The following FIG4 variants were observed in gnomAD, a reference collection of about 807,000 sequenced individuals.
FIG4 encodes polyphosphoinositide phosphatase.
FIG4 carries 112 observed loss-of-function variants against 118.6 expected under a neutral mutation model. The ratio of observed to expected loss-of-function variants is 0.94; its 90% CI spans 0.81 to 1.11. The LOEUF (loss-of-function observed/expected upper bound fraction) is 1.11, where lower values mean the gene tolerates loss of function less well. FIG4 is among the 50% of genes least tolerant of loss of function. The probability of loss-of-function intolerance (pLI) is 0.00; values close to 1 mark genes in which losing one functional copy is unlikely to be tolerated. For synonymous variants in FIG4, 369 were observed against 381.2 expected (o/e 0.97, Z 0.37); for missense variants, 969 against 1,111.7 (o/e 0.87, Z 1.83).
chr6:109,796,267 C>G (rs1325206782), intron 21 of FIG4, among the ~76,000 whole-genome samples: 1 of 152,184 alleles, frequency 6.6e-6, no homozygotes, highest in Non-Finnish European at 1.5e-5. Flanking sequence ...CAGAGGAAAC[C>G]TAGTCTGTGG....
chr6:109,735,120 A>G, intron 5 of FIG4, 30 bp from the exon 6 acceptor site: 1 of 1,601,634 alleles, frequency 6.2e-7, no homozygotes, highest in Non-Finnish European at 8.6e-7. Context: ...TGCTTTTGTA[A>G]TTCTTATTAA....
intron 8 of FIG4, among the ~76,000 whole-genome samples, chr6:109,742,616 T>C (rs1208807078): frequency 6.6e-6 from 1 of 152,172 alleles, no homozygotes; most frequent in Non-Finnish European, 1.5e-5. Flanking sequence ...AGACATGTTA[T>C]TACTGCCTCT....
intron 18 of FIG4, among the ~76,000 whole-genome samples, chr6:109,789,224 T>C (rs1312843208): frequency 2.0e-5 from 3 of 152,242 alleles, no homozygotes; most frequent in African/African-American, 4.8e-5. Flanking sequence ...GTATACATCT[T>C]AGCAGAAGTT....
intron 10 of FIG4, among the ~76,000 whole-genome samples, chr6:109,749,014 G>A (rs958313602): frequency 3.3e-5 from 5 of 150,368 alleles, no homozygotes; most frequent in African/African-American, 4.9e-5. Context: ...ACAGTTCCTA[G>A]GAGAGGACTG....
rs1252224103 is a variant in FIG4, at chr6:109,738,367, G to A, written c.689G>A (p.Trp230Ter). 8 of 1,609,850 alleles carry A rather than the reference G, an allele frequency of 5.0e-6. No individual in the cohort carries two copies. Among genetic ancestry groups the A allele is most frequent in the Non-Finnish European group, 6.8e-6 (8 of 1,176,498 alleles). ...AGTGAGCCTTATATGAAATATGTATGGAATGGTGAACTTCTGGATATAATT... is the reference window on the plus strand; with the variant it reads ...AGTGAGCCTTATATGAAATATGTATAGAATGGTGAACTTCTGGATATAATT... ...ICSEPYMKYV[W>*]NGELLDIIKS... Residue 230 changes from tryptophan to a stop codon, truncating the protein, a stop_gained, in exon 7 of 23, where the codon TGG (tryptophan) becomes TAG (stop). Transcript: ENST00000230124. LOFTEE classifies it high-confidence loss of function.
rs1777643262 is a variant in FIG4 at position 109,777,069 on chromosome 6, C to T, written c.1889+9C>T. 3.7e-6 allele frequency: 6 copies of T among 1,611,642 alleles called. No individual in the cohort carries two copies. Among genetic ancestry groups the T allele is most frequent in the Non-Finnish European group, 5.1e-6 (6 of 1,177,916 alleles). On this transcript the variant is annotated intron_variant, in intron 16 of 22. Coordinates refer to ENST00000230124, the MANE Select transcript of FIG4 (RefSeq NM_014845.6). ...TTGCCAACAAGAAGAAGGTATTTTT[C>T]TTCCTAGTCTGTAATATAAACTCCC...
rs143642716 is a variant in FIG4, at chr6:109,729,387, T to C, written c.446+2122T>C. The stretch of plus-strand genomic sequence containing the variant: ...AAAATTGTTCTTAGAAGTGAAACTT[T>C]AAAAGCATTACTTTTAATCAAGGTA... On this transcript the variant is annotated intron_variant, in intron 4 of 22. Coordinates refer to ENST00000230124, the MANE Select transcript of FIG4 (RefSeq NM_014845.6). Among the ~76,000 whole-genome samples, 522 of 152,284 alleles carry C rather than the reference T, an allele frequency of 3.4e-3. 3 individuals carry two copies. The highest frequency in any genetic ancestry group is 6.9e-3 in the Admixed American group (106 of 15,294).
At chr6:109,806,788 C>T (rs566470261) in intron 22 of FIG4, among the ~76,000 whole-genome samples, 1 of 151,712 alleles carries the variant, frequency 6.6e-6, no homozygotes, top group Non-Finnish European at 1.5e-5. Flanking sequence ...CCCCAACCCG[C>T]AACAGGCCCT....
intron 1 of FIG4, among the ~76,000 whole-genome samples, chr6:109,709,321 G>A (rs922246546): frequency 2.0e-5 from 3 of 152,032 alleles, no homozygotes; most frequent in Non-Finnish European, 4.4e-5. Context: ...ATTGGTCTGC[G>A]TGTCTGTTTT....
intron 3 of FIG4, among the ~76,000 whole-genome samples, chr6:109,718,911 C>T (rs1258070980): frequency 7.0e-6 from 1 of 142,126 alleles, no homozygotes; most frequent in Non-Finnish European, 1.5e-5. Flanking sequence ...AATGTTGATA[C>T]CTTATTACAT....
chr6:109,742,068 A>C (rs192177640), intron 8 of FIG4, among the ~76,000 whole-genome samples: 123 of 152,162 alleles, frequency 8.1e-4, no homozygotes, highest in African/African-American at 2.6e-3. Flanking sequence ...AGATGTTCTG[A>C]AAAGTCAGCT....
chr6:109,813,178 A>C (rs1195853058), intron 22 of FIG4, among the ~76,000 whole-genome samples: 1 of 152,186 alleles, frequency 6.6e-6, no homozygotes, highest in Non-Finnish European at 1.5e-5. Context: ...CTTATCTAAA[A>C]GTTACCATTA....
At chr6:109,734,980 A>G (rs1031485678) in intron 5 of FIG4, among the ~76,000 whole-genome samples, 170 bp from the exon 6 acceptor site, 3 of 152,178 alleles carry the variant, frequency 2.0e-5, no homozygotes, top group African/African-American at 7.2e-5. Context: ...ATTTCCAATT[A>G]CATTTATATT....
chr6:109,726,326 G>A (rs1451352647), intron 3 of FIG4, among the ~76,000 whole-genome samples: 1 of 152,060 alleles, frequency 6.6e-6, no homozygotes, highest in African/African-American at 2.4e-5. Context: ...ATAGCTAGCT[G>A]GTTTTCCCAG....
intron 10 of FIG4, among the ~76,000 whole-genome samples, chr6:109,758,523 A>G (rs1776994915): frequency 6.6e-6 from 1 of 152,246 alleles, no homozygotes; most frequent in Non-Finnish European, 1.5e-5. Flanking sequence ...AAACCTAGGC[A>G]ATACTATTCA....
intron 22 of FIG4, among the ~76,000 whole-genome samples, chr6:109,798,924 T>G (rs1014786608): frequency 1.3e-5 from 2 of 152,178 alleles, no homozygotes; most frequent in Admixed American, 1.3e-4. Context: ...TTGAAATAGA[T>G]ATGTCCAAGG....
intron 21 of FIG4, among the ~76,000 whole-genome samples, chr6:109,795,749 A>G (rs1437748368): frequency 6.6e-6 from 1 of 151,840 alleles, no homozygotes; most frequent in Non-Finnish European, 1.5e-5. Flanking sequence ...CTACAGGTGC[A>G]TGCCACCATG....
At chr6:109,823,044 CTT>C (rs1253362783) in intron 22 of FIG4, among the ~76,000 whole-genome samples, 2 of 151,866 alleles carry the variant, frequency 1.3e-5, no homozygotes, top group African/African-American at 4.8e-5. Flanking sequence ...GCATACATTT[CTT>C]TAATATCTAT....
At position 109,691,682 on chromosome 6, in the gene FIG4, T is replaced by G. The variant is rs528679529; in HGVS notation, c.66+181T>G. On this transcript the variant is annotated intron_variant, in intron 1 of 22. Coordinates refer to ENST00000230124, the MANE Select transcript of FIG4 (RefSeq NM_014845.6). ...GAGCTGTGCCTGGGCGCCTTTCCCCTATTTTGGTACCCTGGACATTGCAGC... is the reference window on the plus strand; with the variant it reads ...GAGCTGTGCCTGGGCGCCTTTCCCCGATTTTGGTACCCTGGACATTGCAGC... Among the ~76,000 whole-genome samples the G allele has an allele frequency of 2.6e-5, 4 of 152,288 alleles. No homozygotes were observed. In the South Asian group the frequency reaches 8.3e-4, roughly 32 times the overall value.
Sources: gnomAD v4.1 joint callset for allele counts (sites outside exome capture counted in the v4.1 genomes callset) on GRCh38, gnomAD v4.1.1 for gene constraint, MANE v1.5 for transcripts, NCBI Gene and HGNC (gene_info 2026-07-23, HGNC 2026-07-21) for gene names.